Variants in HDAC9 observed in about 807,000 individuals in gnomAD.
The protein encoded by HDAC9 is histone deacetylase 9.
A neutral mutation model predicts 139.4 loss-of-function variants in HDAC9; 41 were observed. The ratio of observed to expected loss-of-function variants is 0.29; its 90% CI spans 0.23 to 0.38. The LOEUF is 0.38. Ranked by LOEUF, HDAC9 falls within the 10% of genes least tolerant of loss-of-function variation. The pLI, the probability that HDAC9 is intolerant of heterozygous loss-of-function variation, is 1.00. For missense variants in HDAC9, 1,147 were observed against 1,297.0 expected, an observed-to-expected ratio of 0.88 and a Z score of 1.78; for synonymous variants, 517 against 476.2, an observed-to-expected ratio of 1.09 and a Z score of -1.12.
chr7:18,824,044 GGAAGAAGAAGAAGAAGAAGAAGAA>G (rs1554367872), intron 17 of HDAC9, among the ~76,000 whole-genome samples: 11 of 67,118 alleles, frequency 1.6e-4, no homozygotes, highest in Admixed American at 1.6e-3. Context: ...AAGAGGAAGA[GGAAGAAGAAGAAGAAGAAGAAGAA>G]GAAGAAGAAG....
At position 18,548,439 on chromosome 7, in the gene HDAC9, AC is replaced by A. The variant is rs1480969914; in HGVS notation, c.23-36841del. ...CACACTTGCTCAAAGCCGAGTTGCCACAAAACATCAATTTGTAAGAGGAAAA... is the reference window on the plus strand; with the variant it reads ...CACACTTGCTCAAAGCCGAGTTGCCAAAAACATCAATTTGTAAGAGGAAAA... On this transcript the variant is annotated intron_variant, in intron 2 of 25. Coordinates refer to ENST00000686413, the MANE Select transcript of HDAC9 (RefSeq NM_178425.4). Among the ~76,000 whole-genome samples the A allele has an allele frequency of 2.0e-5, 3 of 152,248 alleles. No individual in the cohort carries two copies. The East Asian group carries it at 5.8e-4, about 29-fold the overall frequency.
intron 1 of HDAC9, among the ~76,000 whole-genome samples, chr7:18,101,559 C>T (rs770567206): frequency 3.7e-4 from 57 of 152,078 alleles, no homozygotes; most frequent in Non-Finnish European, 7.2e-4. Flanking sequence ...ATCATTTTGG[C>T]GACTACTTAA....
intron 23 of HDAC9, among the ~76,000 whole-genome samples, chr7:18,946,901 C>A (rs1188924312): frequency 6.6e-6 from 1 of 151,676 alleles, no homozygotes; most frequent in African/African-American, 2.4e-5. Context: ...AAAAATAGAC[C>A]GTATATGGAG....
At chr7:18,750,320 T>C (rs542331001) in intron 14 of HDAC9, among the ~76,000 whole-genome samples, 60 of 152,320 alleles carry the variant, frequency 3.9e-4, no homozygotes, top group African/African-American at 1.4e-3. Flanking sequence ...CAAGGGAAAT[T>C]AATTGGTTTT....
intron 1 of HDAC9, among the ~76,000 whole-genome samples, chr7:18,456,500 G>T (rs940286949): frequency 1.3e-5 from 2 of 152,108 alleles, no homozygotes; most frequent in Non-Finnish European, 2.9e-5. Context: ...CTCCCAAAGT[G>T]CTGGGATTAC....
chr7:18,905,905 TTCTTTCTTTTCTTTCTCA>T (rs1347874281), intron 22 of HDAC9, among the ~76,000 whole-genome samples: 5 of 151,900 alleles, frequency 3.3e-5, no homozygotes, highest in African/African-American at 4.8e-5. Flanking sequence ...TTTCCTTCTT[TTCTTTCTTTTCTTTCTCA>T]TCTTTCTTTT....
chr7:18,952,993 A>G lies in HDAC9; in HGVS notation c.2938-1153A>G, dbSNP rs184224070. ...CTGTGGCATCTGGAATAAAGGTGCTATTGTTGTAGATTTCATGATTGAAGA... is the reference window on the plus strand; with the variant it reads ...CTGTGGCATCTGGAATAAAGGTGCTGTTGTTGTAGATTTCATGATTGAAGA... On this transcript the variant is annotated intron_variant, in intron 23 of 25. Transcript: ENST00000686413. Among the ~76,000 whole-genome samples, 559 of 152,070 alleles carry G rather than the reference A, an allele frequency of 3.7e-3. 3 individuals are homozygous for G. The highest frequency in any genetic ancestry group is 0.017 in the Middle Eastern group (5 of 292).
At chr7:18,338,037 A>G (rs143799410) in intron 1 of HDAC9, among the ~76,000 whole-genome samples, 2,107 of 151,872 alleles carry the variant, frequency 0.014, 19 homozygotes, top group Non-Finnish European at 0.02. Flanking sequence ...TTAAGGCATT[A>G]CTATTTTTCA....
At chr7:18,991,085 G>C (rs373872072) in intron 25 of HDAC9, among the ~76,000 whole-genome samples, 3 of 152,238 alleles carry the variant, frequency 2.0e-5, no homozygotes, top group African/African-American at 7.2e-5. Context: ...TTATTCTTTT[G>C]TTGCAAATTC....
intron 2 of HDAC9, among the ~76,000 whole-genome samples, chr7:18,206,930 C>CTTTTTTTT (rs58248823): frequency 6.4e-5 from 8 of 124,540 alleles, no homozygotes; most frequent in Non-Finnish European, 6.8e-5. Flanking sequence ...GATATCTTTT[C>CTTTTTTTT]TTTTTTTTTT....
chr7:18,828,092 T>C (rs1412171117), intron 17 of HDAC9, among the ~76,000 whole-genome samples: 1 of 152,278 alleles, frequency 6.6e-6, no homozygotes, highest in Middle Eastern at 3.4e-3. Context: ...ATTAACTCAT[T>C]GTGTGTTAAT....
chr7:18,765,255 A>C (rs1033264422), intron 15 of HDAC9, among the ~76,000 whole-genome samples: 2 of 152,224 alleles, frequency 1.3e-5, no homozygotes, highest in African/African-American at 4.8e-5. Flanking sequence ...GTATTAAATA[A>C]AACTCTCCCA....
At chr7:18,259,709 GTGTTT>G (rs1795519742) in intron 2 of HDAC9, among the ~76,000 whole-genome samples, 1 of 152,178 alleles carries the variant, frequency 6.6e-6, no homozygotes, top group African/African-American at 2.4e-5. Flanking sequence ...GATTCATGAA[GTGTTT>G]AGCACACAGC....
intron 21 of HDAC9, among the ~76,000 whole-genome samples, chr7:18,859,810 T>TTA (rs1797958359): frequency 1.6e-5 from 1 of 63,854 alleles, no homozygotes; most frequent in African/African-American, 5.9e-5. Context: ...GCTAACGCTC[T>TTA]CATATATATA....
intron 1 of HDAC9, among the ~76,000 whole-genome samples, chr7:18,424,404 A>T (rs923745922): frequency 3.3e-5 from 5 of 152,220 alleles, no homozygotes; most frequent in Non-Finnish European, 5.9e-5. Context: ...TGCTATGAAG[A>T]TGAAATAAAA....
exon 1 of HDAC9, chr7:18,086,979 C>G (rs981383419): frequency 6.7e-5 from 10 of 149,384 alleles, no homozygotes; most frequent in African/African-American, 2.4e-4. Flanking sequence ...CGCGCCGCGC[C>G]CGCCGCTCTC....
chr7:18,551,252 C>T lies in HDAC9; in HGVS notation c.23-34029C>T, dbSNP rs188587964. 2.0e-5 allele frequency among the ~76,000 whole-genome samples: 3 copies of T among 152,248 alleles called. No individual in the cohort carries two copies. In the East Asian group the frequency reaches 5.8e-4, roughly 29 times the overall value. ...GGAGATCTTTTTTTAGATATGGTAA[C>T]TTTGATATATCTTTTAGACATACAA... On this transcript the variant is annotated intron_variant, in intron 2 of 25. Coordinates refer to ENST00000686413, the MANE Select transcript of HDAC9 (RefSeq NM_178425.4).
chr7:18,412,673 A>G (rs183891418), intron 1 of HDAC9, among the ~76,000 whole-genome samples: 25 of 152,320 alleles, frequency 1.6e-4, no homozygotes, highest in African/African-American at 5.1e-4. Context: ...TCTCTTTATT[A>G]CATGGCAGAA....
chr7:18,568,399 G>T (rs1188073433), intron 2 of HDAC9, among the ~76,000 whole-genome samples: 2 of 152,182 alleles, frequency 1.3e-5, no homozygotes, highest in African/African-American at 2.4e-5. Flanking sequence ...TCTCGTCTGT[G>T]AAATGGGGAT....
Sources: gnomAD v4.1 joint callset for allele counts (sites outside exome capture counted in the v4.1 genomes callset) on GRCh38, gnomAD v4.1.1 for gene constraint, MANE v1.5 for transcripts, NCBI Gene and HGNC (gene_info 2026-07-23, HGNC 2026-07-21) for gene names.